CNKSR3: variants seen among roughly 807,000 people sequenced by gnomAD.
CNKSR3 encodes connector enhancer of kinase suppressor of ras 3.
Under a neutral mutation model 67.7 loss-of-function variants are expected in CNKSR3, and 36 were observed. The ratio of observed to expected loss-of-function variants is 0.53; its 90% CI spans 0.41 to 0.70. CNKSR3 has a LOEUF of 0.70. Ranked by LOEUF, CNKSR3 falls within the 30% of genes least tolerant of loss-of-function variation. CNKSR3 has a pLI of 0.00. For missense variants in CNKSR3, 630 were observed against 695.2 expected, an observed-to-expected ratio of 0.91 and a Z score of 1.05; for synonymous variants, 281 against 271.4, an observed-to-expected ratio of 1.04 and a Z score of -0.35.
chr6:154,483,294 A>T (rs1786600770), intron 1 of CNKSR3, among the ~76,000 whole-genome samples: 1 of 152,194 alleles, frequency 6.6e-6, no homozygotes, highest in Non-Finnish European at 1.5e-5. Flanking sequence ...TTTAACCTGT[A>T]AGAAAACAGA....
chr6:154,442,644 C>T (rs894998507), intron 2 of CNKSR3, among the ~76,000 whole-genome samples: 1 of 151,800 alleles, frequency 6.6e-6, no homozygotes, highest in African/African-American at 2.4e-5. Flanking sequence ...AAACAATAAA[C>T]AAACACCAAT....
chr6:154,496,046 G>T (rs1300396669), intron 1 of CNKSR3, among the ~76,000 whole-genome samples: 1 of 152,048 alleles, frequency 6.6e-6, no homozygotes, highest in East Asian at 1.9e-4. Context: ...CACCCCAAAA[G>T]ACTTACCTGG....
rs1421662537 is a variant in CNKSR3, at chr6:154,510,069, T to A, written c.46A>T (p.Thr16Ser). Reference sequence around the variant, plus strand: ...CCCCCCAAGGCCCGCGCACCTCTAGTCCAGTCCACCACTTGTTTGGGGCTC... The same window carrying A: ...CCCCCCAAGGCCCGCGCACCTCTAGACCAGTCCACCACTTGTTTGGGGCTC... ...KWSPKQVVDW[T>S]RGLDDCLQQY... is the part of the protein sequence containing the mutation. Residue 16 changes from threonine to serine, a missense_variant, in exon 1 of 13, where the codon ACT becomes TCT. Thr to Ser is a moderately conservative substitution (Grantham distance 58). Transcript: ENST00000607772. 6.2e-7 allele frequency: 1 copy of A among 1,613,960 alleles called. No homozygotes were observed. Among genetic ancestry groups the A allele is most frequent in the East Asian group, 2.2e-5 (1 of 44,844 alleles).
chr6:154,450,458 C>T (rs939266358), intron 1 of CNKSR3, among the ~76,000 whole-genome samples, 200 bp from the exon 2 acceptor site: 1 of 152,214 alleles, frequency 6.6e-6, no homozygotes, highest in Non-Finnish European at 1.5e-5. Context: ...TTAACATTCT[C>T]AAGTGATCCA....
At chr6:154,495,260 T>C (rs1198749350) in intron 1 of CNKSR3, among the ~76,000 whole-genome samples, 1 of 152,160 alleles carries the variant, frequency 6.6e-6, no homozygotes, top group Non-Finnish European at 1.5e-5. Context: ...TCAAGGAAGA[T>C]GTATCATCTA....
chr6:154,479,216 A>AG (rs571335573), intron 1 of CNKSR3, among the ~76,000 whole-genome samples: 1,478 of 109,542 alleles, frequency 0.013, 27 homozygotes, highest in African/African-American at 0.043. Flanking sequence ...ATGGATTCAG[A>AG]GAAAAAAAAA....
chr6:154,457,257 G>T (rs1180954234), intron 1 of CNKSR3, among the ~76,000 whole-genome samples: 4 of 152,172 alleles, frequency 2.6e-5, no homozygotes, highest in African/African-American at 9.7e-5. Context: ...CTACTGGTAG[G>T]CCTCCGAGTG....
chr6:154,449,761 G>A (rs116201782), intron 2 of CNKSR3, among the ~76,000 whole-genome samples: 1,835 of 152,230 alleles, frequency 0.012, 35 homozygotes, highest in African/African-American at 0.042. Context: ...AGGCTTTGGG[G>A]GAACCATGTG....
At chr6:154,427,438 TTA>T (rs1313518539) in intron 7 of CNKSR3, among the ~76,000 whole-genome samples, 1 of 152,220 alleles carries the variant, frequency 6.6e-6, no homozygotes, top group Non-Finnish European at 1.5e-5. Flanking sequence ...TCAAACATTT[TTA>T]GTTTCATATC....
At chr6:154,503,965 G>A (rs1017650337) in intron 1 of CNKSR3, among the ~76,000 whole-genome samples, 1 of 152,142 alleles carries the variant, frequency 6.6e-6, no homozygotes, top group Non-Finnish European at 1.5e-5. Context: ...TTCTCTAATT[G>A]TGATGGGTGC....
intron 1 of CNKSR3, among the ~76,000 whole-genome samples, chr6:154,467,595 C>T (rs980038848): frequency 2.6e-5 from 4 of 152,170 alleles, no homozygotes; most frequent in African/African-American, 7.2e-5. Context: ...TTGCACAAGG[C>T]TTATGCCTTG....
intron 1 of CNKSR3, among the ~76,000 whole-genome samples, chr6:154,473,105 T>C (rs879587737): frequency 8.5e-5 from 13 of 152,204 alleles, no homozygotes; most frequent in African/African-American, 2.9e-4. Flanking sequence ...GTGATCACCA[T>C]GGTGCATCTT....
rs975847268 is a variant in CNKSR3 at position 154,397,023 on chromosome 6, G to C, written c.*9331C>G. The C allele has an allele frequency of 2.0e-5, 3 of 151,512 alleles. No homozygotes were observed. Among genetic ancestry groups the C allele is most frequent in the Admixed American group, 6.6e-5 (1 of 15,200 alleles). The allele number at this position is 151,512 out of a possible 1,614,324, so 9.4% of individuals were successfully genotyped here. On this transcript the variant is annotated 3_prime_UTR_variant, in exon 13 of 13. Transcript: ENST00000607772. ...GGGTTTCACCGTGTTAGCCAGGATGGTCTCGATCTCCTGACCTTGTGATCC... is the reference window on the plus strand; with the variant it reads ...GGGTTTCACCGTGTTAGCCAGGATGCTCTCGATCTCCTGACCTTGTGATCC...
chr6:154,442,462 AAC>A (rs1312028968), intron 2 of CNKSR3, among the ~76,000 whole-genome samples, 172 bp from the exon 3 acceptor site: 1 of 152,100 alleles, frequency 6.6e-6, no homozygotes, highest in Non-Finnish European at 1.5e-5. Flanking sequence ...CTCTACTAAA[AAC>A]ACAAAAAATT....
At chr6:154,433,220 A>C (rs1428134399) in intron 5 of CNKSR3, among the ~76,000 whole-genome samples, 3 of 152,190 alleles carry the variant, frequency 2.0e-5, no homozygotes, top group East Asian at 3.8e-4. Flanking sequence ...TCCTGATAAA[A>C]TGTTCAGAAA....
intron 1 of CNKSR3, among the ~76,000 whole-genome samples, chr6:154,487,045 G>A (rs1786688464): frequency 1.3e-5 from 2 of 152,084 alleles, no homozygotes. Context: ...CTGAGTAGCT[G>A]GGACTACAGG....
chr6:154,486,589 T>C (rs2114644477), intron 1 of CNKSR3, among the ~76,000 whole-genome samples: 1 of 149,736 alleles, frequency 6.7e-6, no homozygotes, highest in Admixed American at 6.6e-5. Context: ...CCCTCCTGGG[T>C]TCCAGCAATT....
intron 4 of CNKSR3, among the ~76,000 whole-genome samples, chr6:154,437,410 CTTT>C (rs10665656): frequency 3.9e-5 from 4 of 102,136 alleles, no homozygotes; most frequent in African/African-American, 7.5e-5. Context: ...CACCTATGTT[CTTT>C]TTTTTTTTTT....
chr6:154,437,756 A>AAGAGCGCTTGTCAAGAGCG (rs771044333), intron 4 of CNKSR3, among the ~76,000 whole-genome samples: 6 of 151,998 alleles, frequency 3.9e-5, no homozygotes, highest in Non-Finnish European at 2.9e-5. Flanking sequence ...TGTCAAGAGC[A>AAGAGCGCTTGTCAAGAGCG]CTTGTCAAGA....
Sources: gnomAD v4.1 joint callset for allele counts (sites outside exome capture counted in the v4.1 genomes callset) on GRCh38, gnomAD v4.1.1 for gene constraint, MANE v1.5 for transcripts, NCBI Gene and HGNC (gene_info 2026-07-23, HGNC 2026-07-21) for gene names.